Variants in ZMYND11 observed in about 807,000 individuals in gnomAD.
ZMYND11 encodes the protein zinc finger MYND-type containing 11, also known as zinc finger MYND domain-containing protein 11.
Under a neutral mutation model 84.9 loss-of-function variants are expected in ZMYND11, and 9 were observed. The observed-to-expected ratio is 0.11, with a 90% CI of 0.06 to 0.18. The LOEUF is 0.18. Among genes scored for constraint, ZMYND11 ranks in the 10% least tolerant of loss-of-function variants. The pLI, the probability that ZMYND11 is intolerant of heterozygous loss-of-function variation, is 1.00. For missense variants in ZMYND11, 409 were observed against 761.0 expected (o/e 0.54, Z 5.44); for synonymous variants, 250 against 244.1 (o/e 1.02, Z -0.23).
intron 1 of ZMYND11, among the ~76,000 whole-genome samples, chr10:147,560 C>A (rs1001007901): frequency 1.3e-5 from 2 of 150,086 alleles, no homozygotes; most frequent in Non-Finnish European, 3.0e-5. Context: ...AAATGTCATA[C>A]CCTAGGATTT....
intron 1 of ZMYND11, among the ~76,000 whole-genome samples, chr10:156,487 C>G (rs1454925901): frequency 1.3e-5 from 2 of 152,118 alleles, no homozygotes; most frequent in Non-Finnish European, 2.9e-5. Context: ...GTTTTATTTA[C>G]ACAAAGCACA....
intron 1 of ZMYND11, among the ~76,000 whole-genome samples, chr10:165,495 A>G (rs1554763466): frequency 6.6e-6 from 1 of 152,126 alleles, no homozygotes; most frequent in Non-Finnish European, 1.5e-5. Context: ...TTAGATGTCT[A>G]AAAGACACCT....
intron 2 of ZMYND11, chr10:198,045 G>A: frequency 1.7e-6 from 1 of 573,314 alleles, no homozygotes; most frequent in Non-Finnish European, 3.1e-6. Flanking sequence ...TTTGGGGATA[G>A]GTCTAATTTA....
chr10:164,209 A>C (rs1554762995), intron 1 of ZMYND11, among the ~76,000 whole-genome samples: 7 of 151,986 alleles, frequency 4.6e-5, no homozygotes. Context: ...AGTTCTGTTT[A>C]CCTCATTCCA....
At position 252,743 on chromosome 10, in the gene ZMYND11, T is replaced by C. The variant is rs1953748475; in HGVS notation, c.*273T>C. On this transcript the variant is annotated 3_prime_UTR_variant, in exon 15 of 15. Coordinates refer to ENST00000381604, the MANE Select transcript of ZMYND11 (RefSeq NM_001370100.5). The surrounding 1 kb of genome is among the most constrained non-coding windows in gnomAD (Gnocchi z 4.6). Reference sequence around the variant, plus strand: ...TTTTCAGCAAATTTTAAAACATTTTTAGGTTTTACAGAGATTTTAACCTTT... The same window carrying C: ...TTTTCAGCAAATTTTAAAACATTTTCAGGTTTTACAGAGATTTTAACCTTT... 3.2e-6 allele frequency: 1 copy of C among 307,846 alleles called. No homozygotes were observed. Among genetic ancestry groups the C allele is most frequent in the African/African-American group, 2.2e-5 (1 of 45,768 alleles). 19.1% of individuals were successfully genotyped at this position (307,846 alleles called of 1,614,324 possible). A position where few individuals can be genotyped will look rare whatever the true frequency, so the allele number is the denominator to read the frequency against.
intron 4 of ZMYND11, among the ~76,000 whole-genome samples, chr10:222,808 T>C (rs901736521): frequency 9.9e-5 from 15 of 152,144 alleles, no homozygotes; most frequent in Non-Finnish European, 1.5e-4. Flanking sequence ...CTACAGCCAT[T>C]GCTCTTTTGT....
At position 252,209 on chromosome 10, in the gene ZMYND11, C is replaced by G; in HGVS notation, c.1687-139C>G. 1 of 1,059,218 alleles carries G rather than the reference C, an allele frequency of 9.4e-7. No individual in the cohort carries two copies. The highest frequency in any genetic ancestry group is 1.4e-6 in the Non-Finnish European group (1 of 737,190). The allele number at this position is 1,059,218 out of a possible 1,614,324, so 65.6% of individuals were successfully genotyped here. A position where few individuals can be genotyped will look rare whatever the true frequency, so the allele number is the denominator to read the frequency against. On this transcript the variant is annotated intron_variant, in intron 14 of 14. Coordinates refer to ENST00000381604, the MANE Select transcript of ZMYND11 (RefSeq NM_001370100.5). The surrounding 1 kb of genome is among the most constrained non-coding windows in gnomAD (Gnocchi z 4.6). The stretch of plus-strand genomic sequence containing the variant: ...CAGGGCTCCCTTTCCATCTGCTGTG[C>G]ATAAAACGTATTCAGATTCCACAAA...
At chr10:173,502 G>C (rs928383886) in intron 1 of ZMYND11, among the ~76,000 whole-genome samples, 1 of 152,140 alleles carries the variant, frequency 6.6e-6, no homozygotes, top group Non-Finnish European at 1.5e-5. Context: ...GATCACTTGA[G>C]GCCCAGAATT....
At chr10:175,316 C>G (rs1416902599) in intron 1 of ZMYND11, among the ~76,000 whole-genome samples, 1 of 152,146 alleles carries the variant, frequency 6.6e-6, no homozygotes, top group Admixed American at 6.5e-5. Context: ...GTAATTCTCC[C>G]CAGCACTTTG....
chr10:197,355 T>C (rs1023463756), intron 2 of ZMYND11, among the ~76,000 whole-genome samples: 1 of 152,218 alleles, frequency 6.6e-6, no homozygotes, highest in Non-Finnish European at 1.5e-5. Context: ...TCTCTTTTTT[T>C]TCAAAAATAT....
intron 4 of ZMYND11, among the ~76,000 whole-genome samples, chr10:229,244 G>T (rs1948608600): frequency 6.6e-6 from 1 of 152,186 alleles, no homozygotes; most frequent in Non-Finnish European, 1.5e-5. Context: ...TTGTGCGTTA[G>T]TAATTCTGCA....
chr10:177,408 T>G (rs1193189381), intron 1 of ZMYND11, among the ~76,000 whole-genome samples: 1 of 152,186 alleles, frequency 6.6e-6, no homozygotes, highest in African/African-American at 2.4e-5. Flanking sequence ...ATGTTTATTT[T>G]CTGTGACTTG....
intron 2 of ZMYND11, 149 bp from the exon 3 acceptor site, chr10:209,740 G>T: frequency 1.6e-6 from 1 of 620,190 alleles, no homozygotes; most frequent in Non-Finnish European, 2.5e-6. Context: ...TCTGTTTATC[G>T]TGTTCGTTCT....
intron 1 of ZMYND11, among the ~76,000 whole-genome samples, chr10:147,526 T>A (rs545222753): frequency 6.6e-6 from 1 of 151,954 alleles, no homozygotes; most frequent in African/African-American, 2.4e-5. Context: ...TTTTTAAATT[T>A]TTTTTTTTGG....
At chr10:150,345 G>C (rs1564271076) in intron 1 of ZMYND11, among the ~76,000 whole-genome samples, 1 of 152,172 alleles carries the variant, frequency 6.6e-6, no homozygotes, top group African/African-American at 2.4e-5. Flanking sequence ...TCTTGGGCGG[G>C]TGTATGTGTC....
chr10:209,642 T>A (rs1256004629), intron 2 of ZMYND11, among the ~76,000 whole-genome samples: 2 of 152,210 alleles, frequency 1.3e-5, no homozygotes, highest in African/African-American at 4.8e-5. Context: ...TTTGAACATA[T>A]CTTGGTCTAA....
chr10:144,640 CTTTTTTTTTTT>C (rs11348115), intron 1 of ZMYND11, among the ~76,000 whole-genome samples: 7 of 110,062 alleles, frequency 6.4e-5, no homozygotes, highest in African/African-American at 2.1e-4. Context: ...GTCTGAATTC[CTTTTTTTTTTT>C]TTTTTTTTTT....
In ZMYND11 at chr10:253,099, T is replaced by A. The variant is rs1477546491; in HGVS notation, c.*629T>A. ...AATATATAACTTTTATAACAAATTA[T>A]TAGCTTTGATCTTGTAGTTTAAAAT... is the stretch of plus-strand genomic sequence containing the variant. On this transcript the variant is annotated 3_prime_UTR_variant, in exon 15 of 15. Coordinates refer to ENST00000381604, the MANE Select transcript of ZMYND11 (RefSeq NM_001370100.5). 6.5e-6 allele frequency: 1 copy of A among 152,698 alleles called. No homozygotes were observed. Among genetic ancestry groups the A allele is most frequent in the Non-Finnish European group, 1.5e-5 (1 of 68,048 alleles). 9.5% of individuals were successfully genotyped at this position (152,698 alleles called of 1,614,324 possible). A position where few individuals can be genotyped will look rare whatever the true frequency, so the allele number is the denominator to read the frequency against.
chr10:220,727 G>C (rs1382092291), intron 3 of ZMYND11, among the ~76,000 whole-genome samples: 6 of 151,034 alleles, frequency 4.0e-5, no homozygotes, highest in Non-Finnish European at 8.9e-5. Context: ...GAGAAGATAA[G>C]AATAGTGAGC....
Sources: gnomAD v4.1 joint callset for allele counts (sites outside exome capture counted in the v4.1 genomes callset) on GRCh38, gnomAD v4.1.1 for gene constraint, Gnocchi (gnomAD v3.1) non-coding constraint, MANE v1.5 for transcripts, NCBI Gene and HGNC (gene_info 2026-07-23, HGNC 2026-07-21) for gene names.